Variants in CYB5D2 observed in about 807,000 individuals in gnomAD.
CYB5D2 encodes cytochrome b5 domain containing 2.
CYB5D2 carries 23 observed loss-of-function variants against 22.8 expected under a neutral mutation model. The ratio of observed to expected loss-of-function variants is 1.01; its 90% CI spans 0.73 to 1.43. The LOEUF (loss-of-function observed/expected upper bound fraction) is 1.43. Ranked by LOEUF, CYB5D2 falls within the 40% of genes most tolerant of loss-of-function variation. The probability of loss-of-function intolerance (pLI) is 0.00; values close to 1 mark genes in which losing one functional copy is unlikely to be tolerated. For missense variants in CYB5D2, 373 were observed against 357.2 expected, an observed-to-expected ratio of 1.04 and a Z score of -0.36; for synonymous variants, 170 against 152.2, an observed-to-expected ratio of 1.12 and a Z score of -0.86.
Position 4,143,928 on chromosome 17 carries a change from C to A in CYB5D2, c.173C>A (p.Ala58Glu). The A allele has an allele frequency of 6.2e-7, 1 of 1,613,672 alleles. No homozygotes were observed. The highest frequency in any genetic ancestry group is 8.5e-7 in the Non-Finnish European group (1 of 1,180,012). ...CCAGGGGACCCGGGCCTGTACTTGG[C>A]GTTGCTCGGCCGTGTCTACGATGTG... ...GGPGDPGLYL[A>E]LLGRVYDVSS... Residue 58 changes from alanine to glutamate, a missense_variant, in exon 1 of 4, where the codon GCG (alanine) becomes GAG (glutamate). Ala to Glu is a moderately radical substitution (Grantham distance 107). Transcript: ENST00000301391.
intron 2 of CYB5D2, among the ~76,000 whole-genome samples, chr17:4,150,675 A>G (rs909587866): frequency 2.6e-5 from 4 of 152,202 alleles, no homozygotes; most frequent in African/African-American, 9.6e-5. Context: ...ACTTGAGGTC[A>G]GGAGTTCAAG....
chr17:4,157,487 CT>C lies in CYB5D2; in HGVS notation c.*409del, dbSNP rs2059124666. 2 of 222,610 alleles carry C rather than the reference CT, an allele frequency of 9.0e-6. No homozygotes were observed. The highest frequency in any genetic ancestry group is 4.6e-5 in the African/African-American group (2 of 43,320). 13.8% of individuals were successfully genotyped at this position (222,610 alleles called of 1,614,324 possible). On this transcript the variant is annotated 3_prime_UTR_variant, in exon 4 of 4. Coordinates refer to ENST00000301391, the MANE Select transcript of CYB5D2 (RefSeq NM_144611.4). This position sits in a 1 kb window ranked among gnomAD's most constrained non-coding sequence, Gnocchi z 4.4. The stretch of plus-strand genomic sequence containing the variant: ...TGGGTTGATTCTGGAATTGGAAAAG[CT>C]TTTGCTTGTATGGATACAGCAAATC...
chr17:4,145,785 G>A (rs150892057), intron 1 of CYB5D2, among the ~76,000 whole-genome samples: 2 of 152,196 alleles, frequency 1.3e-5, no homozygotes, highest in African/African-American at 2.4e-5. Context: ...TCCTTTTAAC[G>A]TATACAATTC....
At chr17:4,147,300 G>A (rs867431967) in intron 1 of CYB5D2, among the ~76,000 whole-genome samples, 7 of 152,078 alleles carry the variant, frequency 4.6e-5, no homozygotes, top group Non-Finnish European at 7.4e-5. Context: ...TATTTAATTC[G>A]TTTGATATTT....
At position 4,149,930 on chromosome 17, in the gene CYB5D2, C is replaced by T; in HGVS notation, c.290C>T (p.Ser97Phe). The change falls in exon 2 of 4, where the codon TCT becomes TTT. Residue 97 changes from serine (S) to phenylalanine (F), a missense_variant. Coordinates refer to ENST00000301391, the MANE Select transcript of CYB5D2 (RefSeq NM_144611.4). ...AGAGCTTTCGTGACCGGGGACTGTT[C>T]TGAAGCAGGCCTCGTGGATGACGTA... ...ASRAFVTGDC[S>F]EAGLVDDVSD... is the part of the protein sequence containing the mutation. 1 of 1,614,190 alleles carries T rather than the reference C, an allele frequency of 6.2e-7. No homozygotes were observed. The highest frequency in any genetic ancestry group is 8.5e-7 in the Non-Finnish European group (1 of 1,180,038).
chr17:4,144,844 T>G (rs2058965514), intron 1 of CYB5D2, among the ~76,000 whole-genome samples: 1 of 152,130 alleles, frequency 6.6e-6, no homozygotes, highest in South Asian at 2.1e-4. Flanking sequence ...TGGAGTGCAG[T>G]GGCCTGATCT....
In CYB5D2 at chr17:4,143,863, C is replaced by T. The variant is rs762417106; in HGVS notation, c.108C>T (p.Arg36=). The change falls in exon 1 of 4, where the codon CGC becomes CGT. Residue 36 remains arginine, a synonymous_variant. Coordinates refer to ENST00000301391, the MANE Select transcript of CYB5D2 (RefSeq NM_144611.4). ...GGTGGGGTCCCCGCGCTGGCTTTCG[C>T]CTTTTCATACCGGAGGAGCTGTCTC... ...MGWWGPRAGF[R]LFIPEELSRY... is the part of the protein sequence containing the mutation. 1.7e-5 allele frequency: 28 copies of T among 1,614,014 alleles called. No individual in the cohort carries two copies. The East Asian group carries it at 6.0e-4, about 35-fold the overall frequency.
intron 2 of CYB5D2, among the ~76,000 whole-genome samples, chr17:4,154,243 C>G (rs1230692936): frequency 6.6e-6 from 1 of 152,200 alleles, no homozygotes; most frequent in East Asian, 1.9e-4. Flanking sequence ...CCCAGAAGTT[C>G]AAGACTAGCC....
At position 4,149,944 on chromosome 17, in the gene CYB5D2, G is replaced by A. The variant is rs770784001; in HGVS notation, c.304G>A (p.Val102Met). Residue 102 changes from valine to methionine, a missense_variant, in exon 2 of 4, where the codon GTG (valine) becomes ATG (methionine). Val to Met is a conservative substitution (Grantham distance 21, BLOSUM62 1). Transcript: ENST00000301391. Reference protein sequence around the residue: ...VTGDCSEAGLVDDVSDLSAAE... With the variant: ...VTGDCSEAGLMDDVSDLSAAE... ...CGGGGACTGTTCTGAAGCAGGCCTC[G>A]TGGATGACGTATCCGACCTGTCAGC... 2.5e-5 allele frequency: 40 copies of A among 1,614,066 alleles called. No homozygotes were observed. The highest frequency in any genetic ancestry group is 3.3e-5 in the South Asian group (3 of 91,088).
chr17:4,144,038 G>C, intron 1 of CYB5D2, 33 bp downstream of exon 1: 3 of 1,547,562 alleles, frequency 1.9e-6, no homozygotes, highest in Middle Eastern at 2.4e-4. Flanking sequence ...CTTTCTCTCC[G>C]CTGGCGCGAG....
chr17:4,154,319 A>G (rs1035388473), intron 2 of CYB5D2, among the ~76,000 whole-genome samples: 1 of 152,256 alleles, frequency 6.6e-6, no homozygotes, highest in African/African-American at 2.4e-5. Context: ...CCAATAAGCC[A>G]TTCATTCATC....
intron 3 of CYB5D2, 129 bp downstream of exon 3, chr17:4,154,989 A>G (rs968866230): frequency 2.0e-6 from 2 of 1,000,828 alleles, no homozygotes; most frequent in South Asian, 1.8e-5. Context: ...AATACTGATA[A>G]TAATTCTCAA....
At position 4,144,083 on chromosome 17, in the gene CYB5D2, T is replaced by G. The variant is rs1026197053; in HGVS notation, c.250+78T>G. Reference sequence around the variant, plus strand: ...ACCTGCGCGTCGTTCGTTGGTTCATTATTCATCTATTTCCCCCCCCATCCC... The same window carrying G: ...ACCTGCGCGTCGTTCGTTGGTTCATGATTCATCTATTTCCCCCCCCATCCC... On this transcript the variant is annotated intron_variant, in intron 1 of 3. Transcript: ENST00000301391. 2.0e-6 allele frequency: 3 copies of G among 1,505,060 alleles called. No individual in the cohort carries two copies. The African/African-American group carries it at 4.2e-5, about 21-fold the overall frequency. 93.2% of individuals were successfully genotyped at this position (1,505,060 alleles called of 1,614,324 possible). A position where few individuals can be genotyped will look rare whatever the true frequency, so the allele number is the denominator to read the frequency against.
At chr17:4,153,951 C>T (rs139755903) in intron 2 of CYB5D2, among the ~76,000 whole-genome samples, 26 of 152,230 alleles carry the variant, frequency 1.7e-4, no homozygotes, top group South Asian at 8.3e-4. Flanking sequence ...GCTCCCTCTT[C>T]GGTCGCACCT....
At position 4,150,068 on chromosome 17, in the gene CYB5D2, T is replaced by C. The variant is rs761531164; in HGVS notation, c.391+37T>C. 5 of 1,610,958 alleles carry C rather than the reference T, an allele frequency of 3.1e-6. No individual in the cohort carries two copies. In the African/African-American group the frequency reaches 4.0e-5, roughly 13 times the overall value. ...ATAGGTCATACATTTCATTTGGTTG[T>C]CTGCAGTGTTTTTAGGGGGCTGAGA... On this transcript the variant is annotated intron_variant, in intron 2 of 3. Coordinates refer to ENST00000301391, the MANE Select transcript of CYB5D2 (RefSeq NM_144611.4).
intron 1 of CYB5D2, among the ~76,000 whole-genome samples, chr17:4,144,235 T>A (rs985150536): frequency 6.6e-6 from 1 of 152,152 alleles, no homozygotes; most frequent in Non-Finnish European, 1.5e-5. Context: ...GTGACTTACA[T>A]TGGAGAAACA....
intron 1 of CYB5D2, among the ~76,000 whole-genome samples, chr17:4,149,501 C>T (rs976070363): frequency 6.6e-6 from 1 of 152,146 alleles, no homozygotes; most frequent in African/African-American, 2.4e-5. Context: ...TGTCAAGAGA[C>T]GTTTCTCAGA....
At chr17:4,149,820 A>G (rs1235160524) in intron 1 of CYB5D2, 71 bp from the exon 2 acceptor site, 30 of 1,549,168 alleles carry the variant, frequency 1.9e-5, no homozygotes. Context: ...AAAAAGAAAG[A>G]AAACAGATTC....
chr17:4,144,090 C>T (rs1262491975), intron 1 of CYB5D2, 85 bp downstream of exon 1: 2 of 1,494,738 alleles, frequency 1.3e-6, no homozygotes, highest in African/African-American at 2.8e-5. Context: ...CATTATTCAT[C>T]TATTTCCCCC....
Sources: gnomAD v4.1 joint callset for allele counts (sites outside exome capture counted in the v4.1 genomes callset) on GRCh38, gnomAD v4.1.1 for gene constraint, Gnocchi (gnomAD v3.1) non-coding constraint, MANE v1.5 for transcripts, NCBI Gene and HGNC (gene_info 2026-07-23, HGNC 2026-07-21) for gene names.